Variants in COP1 observed in about 807,000 individuals in gnomAD.
The protein encoded by COP1 is COP1 E3 ubiquitin ligase.
In COP1, 24 loss-of-function variants were observed where a neutral mutation model predicts 101.3. That is an observed-to-expected ratio of 0.24 (90% confidence interval 0.17 to 0.33). The LOEUF is 0.33. Among genes scored for constraint, COP1 ranks in the 10% least tolerant of loss-of-function variants. The pLI is 1.00. For missense variants in COP1, 663 were observed against 906.2 expected (o/e 0.73, Z 3.45); for synonymous variants, 347 against 341.9 (o/e 1.01, Z -0.17).
At chr1:176,122,269 ACAT>A (rs1328634828) in intron 8 of COP1, among the ~76,000 whole-genome samples, 1 of 152,178 alleles carries the variant, frequency 6.6e-6, no homozygotes, top group Non-Finnish European at 1.5e-5. Flanking sequence ...AACACATCTG[ACAT>A]CATGTTTTAA....
chr1:176,115,226 A>G (rs994039974), intron 9 of COP1, among the ~76,000 whole-genome samples: 1 of 152,176 alleles, frequency 6.6e-6, no homozygotes, highest in African/African-American at 2.4e-5. Context: ...AGGTGGGTAG[A>G]TCACCTGAGA....
At chr1:176,006,950 A>G (rs1049359181) in intron 15 of COP1, among the ~76,000 whole-genome samples, 25 of 152,116 alleles carry the variant, frequency 1.6e-4, no homozygotes, top group African/African-American at 6.0e-4. Flanking sequence ...GTGTTTTCCA[A>G]CTTGGTTCCA....
intron 18 of COP1, among the ~76,000 whole-genome samples, chr1:175,955,307 T>C (rs1209357926): frequency 6.6e-6 from 1 of 152,080 alleles, no homozygotes; most frequent in Non-Finnish European, 1.5e-5. Context: ...GCATTCATCA[T>C]CCCTTCAGCA....
intron 5 of COP1, among the ~76,000 whole-genome samples, chr1:176,151,330 A>G (rs529370818): frequency 1.7e-4 from 24 of 145,242 alleles, no homozygotes; most frequent in African/African-American, 5.6e-4. Context: ...AAGGAAAGAA[A>G]GAAAGAAGGA....
chr1:176,106,554 C>G (rs1482415068), intron 9 of COP1, among the ~76,000 whole-genome samples: 2 of 152,182 alleles, frequency 1.3e-5, no homozygotes, highest in African/African-American at 4.8e-5. Flanking sequence ...CTTGACAGAT[C>G]AGCTGGCAAC....
intron 14 of COP1, among the ~76,000 whole-genome samples, chr1:176,042,443 A>C (rs1381991246): frequency 6.8e-6 from 1 of 146,996 alleles, no homozygotes; most frequent in Non-Finnish European, 1.5e-5. Flanking sequence ...GGTGGCTGTA[A>C]TCCCAGCCAC....
At chr1:176,075,329 T>A (rs1173407606) in intron 11 of COP1, among the ~76,000 whole-genome samples, 3 of 152,264 alleles carry the variant, frequency 2.0e-5, no homozygotes, top group Non-Finnish European at 4.4e-5. Flanking sequence ...CTTTAGCTAA[T>A]GGCTTAAATT....
rs1490881743 is a variant in COP1 at position 176,008,053 on chromosome 1, GT to G, written c.1730-18575del. 4.6e-5 allele frequency among the ~76,000 whole-genome samples: 7 copies of G among 152,294 alleles called. No individual in the cohort carries two copies. The East Asian group carries it at 1.2e-3, about 25-fold the overall frequency. On this transcript the variant is annotated intron_variant, in intron 15 of 19. Coordinates refer to ENST00000367669, the MANE Select transcript of COP1 (RefSeq NM_022457.7). ...GCGGGATATAATCTCGTGGTGCGCCGTTTTTTAAGCCGGTCGGAAAAGCGCA... is the reference window on the plus strand; with the variant it reads ...GCGGGATATAATCTCGTGGTGCGCCGTTTTTAAGCCGGTCGGAAAAGCGCA...
At position 175,950,042 on chromosome 1, in the gene COP1, T is replaced by C. The variant is rs77827395; in HGVS notation, c.2134-2803A>G. ...CAAGAGGAGTTTAAAATATGTACAA[T>C]TACCACTCTAAACCCAAGAAGGACA... On this transcript the variant is annotated intron_variant, in intron 18 of 19. Transcript: ENST00000367669. 1.6e-3 allele frequency among the ~76,000 whole-genome samples: 239 copies of C among 152,240 alleles called. 1 individual carries two copies. In the East Asian group the frequency reaches 0.043, roughly 27 times the overall value.
At chr1:176,181,173 T>C (rs1697696646) in intron 2 of COP1, among the ~76,000 whole-genome samples, 1 of 152,196 alleles carries the variant, frequency 6.6e-6, no homozygotes. Context: ...CCTGCTATAT[T>C]GTCTCCAAAT....
intron 11 of COP1, among the ~76,000 whole-genome samples, chr1:176,050,561 C>T (rs1672369462): frequency 6.6e-6 from 1 of 152,044 alleles, no homozygotes; most frequent in South Asian, 2.1e-4. Context: ...GAGCAGGTAA[C>T]TAAAACTTTA....
At chr1:176,047,134 G>T (rs1342954289) in intron 11 of COP1, among the ~76,000 whole-genome samples, 1 of 152,084 alleles carries the variant, frequency 6.6e-6, no homozygotes, top group African/African-American at 2.4e-5. Context: ...TAGCCCAAAG[G>T]TAGTAAAAGT....
rs551177521 is a variant in COP1, at chr1:175,994,810, G to C, written c.1730-5331C>G. Among the ~76,000 whole-genome samples the C allele has an allele frequency of 8.9e-4, 135 of 151,998 alleles. 1 individual carries two copies. Among genetic ancestry groups the C allele is most frequent in the Non-Finnish European group, 1.1e-3 (74 of 67,946 alleles). ...CAATAATAATGGGAGACTTTAACACGCCACTGTCAACATTAGACAGATCAA... is the reference window on the plus strand; with the variant it reads ...CAATAATAATGGGAGACTTTAACACCCCACTGTCAACATTAGACAGATCAA... On this transcript the variant is annotated intron_variant, in intron 15 of 19. Coordinates refer to ENST00000367669, the MANE Select transcript of COP1 (RefSeq NM_022457.7).
intron 1 of COP1, among the ~76,000 whole-genome samples, chr1:176,204,694 C>G (rs1020009333): frequency 6.6e-6 from 1 of 152,124 alleles, no homozygotes; most frequent in Non-Finnish European, 1.5e-5. Context: ...GAGGCCGAGG[C>G]GAGCAGATCA....
chr1:176,127,978 T>C (rs914925455), intron 8 of COP1, among the ~76,000 whole-genome samples: 1 of 152,068 alleles, frequency 6.6e-6, no homozygotes, highest in African/African-American at 2.4e-5. Context: ...CTCTGATGAT[T>C]AGAGATGTTG....
intron 5 of COP1, among the ~76,000 whole-genome samples, chr1:176,154,612 A>G (rs1186889246): frequency 6.6e-6 from 1 of 152,190 alleles, no homozygotes; most frequent in Non-Finnish European, 1.5e-5. Context: ...AGAGGGGAAC[A>G]ATACACACTG....
intron 15 of COP1, among the ~76,000 whole-genome samples, chr1:176,006,364 G>T (rs1192420736): frequency 2.0e-5 from 3 of 152,104 alleles, no homozygotes; most frequent in Non-Finnish European, 4.4e-5. Flanking sequence ...AGTTAATATT[G>T]TTATGTGTGA....
At chr1:176,203,537 T>C (rs1700509368) in intron 1 of COP1, among the ~76,000 whole-genome samples, 2 of 152,150 alleles carry the variant, frequency 1.3e-5, no homozygotes, top group Admixed American at 1.3e-4. Context: ...ATCTTTCAAA[T>C]ACAGACCAGA....
chr1:175,999,073 T>C (rs1660970412), intron 15 of COP1, among the ~76,000 whole-genome samples: 1 of 152,112 alleles, frequency 6.6e-6, no homozygotes, highest in African/African-American at 2.4e-5. Context: ...TGGACAGTTT[T>C]CAACCCATGA....
Sources: gnomAD v4.1 joint callset for allele counts (sites outside exome capture counted in the v4.1 genomes callset) on GRCh38, gnomAD v4.1.1 for gene constraint, MANE v1.5 for transcripts, NCBI Gene and HGNC (gene_info 2026-07-23, HGNC 2026-07-21) for gene names.